Variants in PGM5 observed in about 807,000 individuals in gnomAD.
PGM5 encodes the protein phosphoglucomutase-like protein 5.
PGM5 carries 23 observed loss-of-function variants against 59.2 expected under a neutral mutation model. The observed-to-expected ratio is 0.39, with a 90% confidence interval of 0.28 to 0.55. The LOEUF is 0.55. Ranked by LOEUF, PGM5 falls within the 20% of genes least tolerant of loss-of-function variation. The probability of loss-of-function intolerance (pLI) is 0.66; values close to 1 mark genes in which losing one functional copy is unlikely to be tolerated. For missense variants in PGM5, 574 were observed against 748.3 expected (o/e 0.77, Z 2.72); for synonymous variants, 214 against 286.0 (o/e 0.75, Z 2.54).
At chr9:68,383,269 C>A (rs1410217251) in intron 2 of PGM5, among the ~76,000 whole-genome samples, 2 of 152,078 alleles carry the variant, frequency 1.3e-5, no homozygotes, top group Non-Finnish European at 2.9e-5. Context: ...CACATACATA[C>A]TTTACATTTT....
intron 6 of PGM5, among the ~76,000 whole-genome samples, chr9:68,432,740 G>A (rs1256364093): frequency 6.6e-6 from 1 of 151,730 alleles, no homozygotes; most frequent in Non-Finnish European, 1.5e-5. Flanking sequence ...CGAGTAGCTG[G>A]GATTACAGGT....
chr9:68,464,964 C>G (rs1412166571), intron 6 of PGM5, 129 bp from the exon 7 acceptor site: 1 of 547,878 alleles, frequency 1.8e-6, no homozygotes, highest in Non-Finnish European at 3.3e-6. Flanking sequence ...TGAAATCTGT[C>G]AACACTACCC....
intron 6 of PGM5, among the ~76,000 whole-genome samples, chr9:68,449,980 G>T (rs539685289): frequency 1.3e-5 from 2 of 152,176 alleles, no homozygotes; most frequent in Admixed American, 1.3e-4. Flanking sequence ...GGAGGCAAGA[G>T]TTGGACCTCA....
At chr9:68,475,496 A>G (rs1350138250) in intron 7 of PGM5, among the ~76,000 whole-genome samples, 4 of 152,098 alleles carry the variant, frequency 2.6e-5, no homozygotes, top group Admixed American at 6.5e-5. Flanking sequence ...GTGTACACAC[A>G]TATATACATA....
At chr9:68,371,103 C>G (rs1204364577) in intron 1 of PGM5, among the ~76,000 whole-genome samples, 4 of 152,094 alleles carry the variant, frequency 2.6e-5, no homozygotes, top group African/African-American at 9.7e-5. Flanking sequence ...CCCTTTTCCG[C>G]GTGGGAGTTG....
chr9:68,528,320 CT>C (rs1317336838), intron 10 of PGM5, among the ~76,000 whole-genome samples: 2 of 152,186 alleles, frequency 1.3e-5, no homozygotes, highest in African/African-American at 4.8e-5. Flanking sequence ...TCATAGTTCA[CT>C]GTAACCTTGA....
intron 6 of PGM5, among the ~76,000 whole-genome samples, chr9:68,446,323 A>G (rs1437545640): frequency 2.6e-5 from 4 of 152,272 alleles, no homozygotes; most frequent in South Asian, 2.1e-4. Context: ...ATGGTTTACA[A>G]TGTGCAACAC....
chr9:68,528,799 T>G (rs1448950665), intron 10 of PGM5, among the ~76,000 whole-genome samples: 1 of 152,352 alleles, frequency 6.6e-6, no homozygotes, highest in East Asian at 1.9e-4. Flanking sequence ...GAAAATAGAC[T>G]GATTTTCTCA....
chr9:68,429,787 A>C (rs902236397), intron 6 of PGM5, among the ~76,000 whole-genome samples: 2 of 152,174 alleles, frequency 1.3e-5, no homozygotes, highest in African/African-American at 4.8e-5. Context: ...AGCTATCACT[A>C]TATGGAAATC....
Position 68,483,906 on chromosome 9 carries a change from T to C in PGM5, c.1337T>C (p.Ile446Thr). 1 of 1,614,124 alleles carries C rather than the reference T, an allele frequency of 6.2e-7. No individual in the cohort carries two copies. ...EGLDPKTTYYIMRDLEALVTD... is the reference protein window; with the variant it reads ...EGLDPKTTYYTMRDLEALVTD... ...TTGGATCCCAAGACGACATATTATA[T>C]CATGAGGGACCTGGAGGCCCTGGTC... Residue 446 changes from isoleucine (I) to threonine (T), a missense_variant, in exon 9 of 11, where the codon ATC becomes ACC. By Grantham distance (89) the Ile-to-Thr change is moderately conservative. Coordinates refer to ENST00000396396, the MANE Select transcript of PGM5 (RefSeq NM_021965.4).
intron 6 of PGM5, among the ~76,000 whole-genome samples, chr9:68,463,579 T>C (rs1823889702): frequency 6.6e-6 from 1 of 152,150 alleles, no homozygotes; most frequent in African/African-American, 2.4e-5. Context: ...CTTACCTCTG[T>C]GAAACTTTGA....
At chr9:68,395,463 A>G (rs1373463485) in intron 6 of PGM5, among the ~76,000 whole-genome samples, 1 of 152,122 alleles carries the variant, frequency 6.6e-6, no homozygotes, top group Admixed American at 6.6e-5. Flanking sequence ...TAGAACCAAC[A>G]TCTCAATTTC....
At chr9:68,498,882 T>C in intron 9 of PGM5, 1 of 250,302 alleles carries the variant, frequency 4.0e-6, no homozygotes, top group Admixed American at 5.0e-5. Flanking sequence ...GGGACAAACT[T>C]TGGCCCTAGG....
intron 1 of PGM5, among the ~76,000 whole-genome samples, chr9:68,361,614 G>A (rs1362902129): frequency 1.3e-5 from 2 of 152,324 alleles, no homozygotes; most frequent in Non-Finnish European, 2.9e-5. Context: ...TTCTTGCTGG[G>A]CCCTCACATA....
chr9:68,359,642 G>A (rs1175995993), intron 1 of PGM5, among the ~76,000 whole-genome samples: 1 of 152,094 alleles, frequency 6.6e-6, no homozygotes, highest in Admixed American at 6.5e-5. Flanking sequence ...ATTAGACTCA[G>A]GAATACTGAA....
At chr9:68,512,756 C>T (rs782755969) in intron 10 of PGM5, among the ~76,000 whole-genome samples, 3 of 152,144 alleles carry the variant, frequency 2.0e-5, no homozygotes, top group Middle Eastern at 3.2e-3. Context: ...AGGACCTCAA[C>T]GTATGCACTT....
chr9:68,358,823 G>C (rs1834519504), intron 1 of PGM5, among the ~76,000 whole-genome samples: 1 of 152,090 alleles, frequency 6.6e-6, no homozygotes, highest in Non-Finnish European at 1.5e-5. Context: ...TAGTGGAATT[G>C]TGATTTTTGA....
At chr9:68,511,065 C>T (rs1214951637) in intron 10 of PGM5, among the ~76,000 whole-genome samples, 2 of 152,182 alleles carry the variant, frequency 1.3e-5, no homozygotes, top group Non-Finnish European at 2.9e-5. Context: ...TCTTATTAGA[C>T]CTCAAAAGGT....
At chr9:68,419,955 G>A (rs1249629963) in intron 6 of PGM5, among the ~76,000 whole-genome samples, 3 of 152,162 alleles carry the variant, frequency 2.0e-5, no homozygotes, top group Non-Finnish European at 4.4e-5. Context: ...ACCAAATGGC[G>A]TAGCTGCCTT....
Sources: gnomAD v4.1 joint callset for allele counts (sites outside exome capture counted in the v4.1 genomes callset) on GRCh38, gnomAD v4.1.1 for gene constraint, MANE v1.5 for transcripts, NCBI Gene and HGNC (gene_info 2026-07-23, HGNC 2026-07-21) for gene names.